Variants in SLC35F4 observed in about 807,000 individuals in gnomAD.
SLC35F4 encodes the protein chromosome 14 open reading frame 36.
In SLC35F4, 24 loss-of-function variants were observed where a neutral mutation model predicts 44.2. The observed-to-expected ratio is 0.54, with a 90% CI of 0.39 to 0.76. SLC35F4 has a LOEUF of 0.76. Ranked by LOEUF, SLC35F4 falls within the 30% of genes least tolerant of loss-of-function variation. The probability of loss-of-function intolerance (pLI) is 0.00; values close to 1 mark genes in which losing one functional copy is unlikely to be tolerated. For missense variants in SLC35F4, 562 were observed against 586.1 expected, an observed-to-expected ratio of 0.96 and a Z score of 0.42; for synonymous variants, 238 against 223.6, an observed-to-expected ratio of 1.06 and a Z score of -0.57.
intron 1 of SLC35F4, among the ~76,000 whole-genome samples, chr14:57,923,801 T>G (rs1289759330): frequency 1.3e-5 from 2 of 152,250 alleles, no homozygotes; most frequent in African/African-American, 4.8e-5. Flanking sequence ...GTGGATGTTT[T>G]GGACATCACT....
upstream of SLC35F4, among the ~76,000 whole-genome samples, chr14:57,982,657 T>C (rs1881414540): frequency 6.6e-6 from 1 of 152,174 alleles, no homozygotes; most frequent in Non-Finnish European, 1.5e-5. Flanking sequence ...GGTGCTATGG[T>C]CCTGGTGGGG....
intron 1 of SLC35F4, among the ~76,000 whole-genome samples, chr14:57,923,514 G>T (rs919360941): frequency 1.5e-4 from 23 of 152,196 alleles, no homozygotes; most frequent in African/African-American, 5.6e-4. Context: ...AACCAACAAT[G>T]TACAAAATAG....
chr14:57,853,848 C>T (rs1886821537), intron 1 of SLC35F4, among the ~76,000 whole-genome samples: 1 of 152,170 alleles, frequency 6.6e-6, no homozygotes, highest in African/African-American at 2.4e-5. Flanking sequence ...CATCTTACCC[C>T]TCCCCTTCAA....
chr14:57,646,285 T>C (rs1566721758), intron 1 of SLC35F4, among the ~76,000 whole-genome samples: 1 of 152,192 alleles, frequency 6.6e-6, no homozygotes, highest in Non-Finnish European at 1.5e-5. Flanking sequence ...CTATTAATTA[T>C]TGTCTCAATT....
At chr14:57,641,426 C>A (rs1171703119) in intron 1 of SLC35F4, among the ~76,000 whole-genome samples, 1 of 151,778 alleles carries the variant, frequency 6.6e-6, no homozygotes. Flanking sequence ...GACTGGATGA[C>A]CCTAGTCAGC....
chr14:57,656,306 C>A (rs949686716), intron 1 of SLC35F4, among the ~76,000 whole-genome samples: 1 of 151,100 alleles, frequency 6.6e-6, no homozygotes, highest in East Asian at 2.0e-4. Context: ...CCCACACCCC[C>A]CACACACACT....
chr14:57,579,523 GA>G (rs1789095506), intron 4 of SLC35F4: 1 of 152,076 alleles, frequency 6.6e-6, no homozygotes, highest in African/African-American at 2.4e-5. Context: ...ATCTAATGGT[GA>G]AAATATGGAT....
At chr14:57,931,058 C>T (rs1331284223) in intron 1 of SLC35F4, among the ~76,000 whole-genome samples, 1 of 152,002 alleles carries the variant, frequency 6.6e-6, no homozygotes, top group Non-Finnish European at 1.5e-5. Flanking sequence ...CTGAAAAAAT[C>T]CCTTGAAATC....
chr14:57,889,423 C>T (rs999954520), intron 1 of SLC35F4, among the ~76,000 whole-genome samples: 1 of 152,234 alleles, frequency 6.6e-6, no homozygotes, highest in Non-Finnish European at 1.5e-5. Flanking sequence ...CGAACAGTGC[C>T]AAGGCACAGG....
chr14:57,607,213 A>G (rs183488618), intron 1 of SLC35F4, among the ~76,000 whole-genome samples: 1 of 152,302 alleles, frequency 6.6e-6, no homozygotes, highest in East Asian at 1.9e-4. Flanking sequence ...TTCACAAAAT[A>G]TTTATGCCTT....
intron 1 of SLC35F4, among the ~76,000 whole-genome samples, chr14:57,774,258 C>T (rs1016616400): frequency 2.0e-5 from 3 of 152,134 alleles, no homozygotes; most frequent in African/African-American, 7.2e-5. Context: ...AGGACTTGTT[C>T]CTGGCCCCCA....
intron 1 of SLC35F4, among the ~76,000 whole-genome samples, chr14:57,799,256 C>T (rs760253751): frequency 3.3e-5 from 5 of 152,176 alleles, no homozygotes; most frequent in Non-Finnish European, 5.9e-5. Flanking sequence ...CAGCCCCAGC[C>T]GGGAAACCAC....
intron 1 of SLC35F4, among the ~76,000 whole-genome samples, chr14:57,705,872 T>C (rs2075661074): frequency 6.6e-6 from 1 of 152,214 alleles, no homozygotes; most frequent in Non-Finnish European, 1.5e-5. Context: ...AGTTAGTTTT[T>C]TTTCTCCCTA....
chr14:57,873,269 G>GA lies in SLC35F4; in HGVS notation n.282+108643dup, dbSNP rs199741586. ...GCTGGCACCTCTCCAGTTGTGCTGT[G>GA]AAAAAAACAAAGTCCTCTTCTGAAC... On this transcript the variant is annotated intron_variant and non_coding_transcript_variant, in intron 1 of 1. Coordinates refer to the SLC35F4 transcript ENST00000556568. 6.8e-3 allele frequency among the ~76,000 whole-genome samples: 1,036 copies of GA among 151,844 alleles called. 13 individuals carry two copies. The highest frequency in any genetic ancestry group is 0.024 in the African/African-American group (987 of 41,370).
intron 1 of SLC35F4, among the ~76,000 whole-genome samples, chr14:57,904,060 C>T (rs963330350): frequency 2.0e-5 from 3 of 152,218 alleles, no homozygotes; most frequent in Non-Finnish European, 4.4e-5. Context: ...CACTCAGTAA[C>T]TGAACAAAGA....
intron 1 of SLC35F4, among the ~76,000 whole-genome samples, chr14:57,843,341 G>A (rs910222682): frequency 6.6e-6 from 1 of 152,046 alleles, no homozygotes; most frequent in Non-Finnish European, 1.5e-5. Flanking sequence ...ACTGAATATT[G>A]TCATTCCAGA....
intron 1 of SLC35F4, among the ~76,000 whole-genome samples, chr14:57,854,807 C>T (rs571182104): frequency 2.2e-4 from 34 of 152,306 alleles, no homozygotes; most frequent in African/African-American, 7.9e-4. Context: ...TGCCAAGAGG[C>T]AATCCAGGTA....
At chr14:57,616,111 C>T (rs1249454851) in intron 1 of SLC35F4, among the ~76,000 whole-genome samples, 1 of 152,094 alleles carries the variant, frequency 6.6e-6, no homozygotes, top group Non-Finnish European at 1.5e-5. Flanking sequence ...GTGTAAAGTC[C>T]AGTTGAATTA....
intron 1 of SLC35F4, among the ~76,000 whole-genome samples, chr14:57,713,705 G>C (rs184550573): frequency 2.6e-5 from 4 of 152,176 alleles, no homozygotes; most frequent in African/African-American, 7.2e-5. Context: ...CTTTGCCAGA[G>C]TCTAGCCTGG....
Sources: allele counts gnomAD v4.1 joint callset (sites outside exome capture counted in the v4.1 genomes callset), GRCh38; gene constraint gnomAD v4.1.1; transcripts MANE v1.5; gene names NCBI Gene and HGNC (gene_info 2026-07-23, HGNC 2026-07-21).